Variants in TYR observed in about 807,000 individuals in gnomAD.
TYR encodes LB24-AB.
TYR carries 58 observed loss-of-function variants against 51.5 expected under a neutral mutation model. The observed-to-expected ratio is 1.13, with a 90% confidence interval of 0.91 to 1.40. The LOEUF (loss-of-function observed/expected upper bound fraction) is 1.40, where lower values mean the gene tolerates loss of function less well. Among genes scored for constraint, TYR ranks in the 40% most tolerant of loss-of-function variants. TYR has a pLI of 0.00. For synonymous variants in TYR, 263 were observed against 235.2 expected, an observed-to-expected ratio of 1.12 and a Z score of -1.08; for missense variants, 732 against 647.4, an observed-to-expected ratio of 1.13 and a Z score of -1.42.
chr11:89,198,936 G>C (rs12421505), intron 2 of TYR, among the ~76,000 whole-genome samples: 24,358 of 151,778 alleles, frequency 0.16, 2,383 homozygotes, highest in African/African-American at 0.28. Context: ...ACAGGCCCCG[G>C]TGTGTAATGT....
In TYR at chr11:89,177,927, G is replaced by A. The variant is rs1406673459; in HGVS notation, c.-27G>A. 1 of 1,610,170 alleles carries A rather than the reference G, an allele frequency of 6.2e-7. No homozygotes were observed. The highest frequency in any genetic ancestry group is 1.3e-5 in the African/African-American group (1 of 74,846). On this transcript the variant is annotated 5_prime_UTR_variant, in exon 1 of 5. Transcript: ENST00000263321. ...CTGTGACTCCAATTAGCCAGTTCCTGCAGACCTTGTGAGGACTAGAGGAAG... is the reference window on the plus strand; with the variant it reads ...CTGTGACTCCAATTAGCCAGTTCCTACAGACCTTGTGAGGACTAGAGGAAG...
At chr11:89,278,755 CCA>C (rs1318611201) in intron 3 of TYR, among the ~76,000 whole-genome samples, 1 of 151,640 alleles carries the variant, frequency 6.6e-6, no homozygotes, top group Admixed American at 6.6e-5. Context: ...TTATTATCAA[CCA>C]CAGTCAATAC....
At chr11:89,239,661 T>C (rs182302723) in intron 3 of TYR, among the ~76,000 whole-genome samples, 1 of 152,262 alleles carries the variant, frequency 6.6e-6, no homozygotes. Context: ...ATATTTTTTG[T>C]TAATGTAGGC....
chr11:89,295,327 G>A lies in TYR; in HGVS notation c.1551G>A (p.Glu517=). Residue 517 remains glutamate (E), a synonymous_variant, in exon 5 of 5, where the codon GAG becomes GAA. Coordinates refer to ENST00000263321, the MANE Select transcript of TYR (RefSeq NM_000372.5). ...LPEEKQPLLM[E]KEDYHSLYQS... is the part of the protein sequence containing the mutation. ...AAGAAAAGCAGCCACTCCTCATGGA[G>A]AAAGAGGATTACCACAGCTTGTATC... 6.2e-7 allele frequency: 1 copy of A among 1,613,442 alleles called. No homozygotes were observed.
chr11:89,256,100 C>A (rs1451016664), intron 3 of TYR, among the ~76,000 whole-genome samples: 1 of 151,492 alleles, frequency 6.6e-6, no homozygotes, highest in Non-Finnish European at 1.5e-5. Flanking sequence ...AAGACAATGA[C>A]CTATATCTGC....
intron 1 of TYR, among the ~76,000 whole-genome samples, chr11:89,187,663 G>A (rs1943392881): frequency 6.6e-6 from 1 of 152,036 alleles, no homozygotes; most frequent in African/African-American, 2.4e-5. Flanking sequence ...AACTATAAAT[G>A]TTTGATGAAG....
chr11:89,277,072 A>G (rs1205000446), intron 3 of TYR, among the ~76,000 whole-genome samples: 5 of 151,770 alleles, frequency 3.3e-5, no homozygotes, highest in African/African-American at 4.8e-5. Flanking sequence ...TTTTGTTCTC[A>G]TAAATACATT....
intron 4 of TYR, among the ~76,000 whole-genome samples, chr11:89,292,726 T>A (rs1383554504): frequency 6.6e-6 from 1 of 152,134 alleles, no homozygotes; most frequent in African/African-American, 2.4e-5. Flanking sequence ...TGAGTCTACC[T>A]GTAAGGAATG....
intron 2 of TYR, among the ~76,000 whole-genome samples, chr11:89,203,105 A>G (rs1943622139): frequency 6.6e-6 from 1 of 152,230 alleles, no homozygotes; most frequent in Non-Finnish European, 1.5e-5. Context: ...AGCAACAGAG[A>G]AAACAAAATT....
chr11:89,193,569 G>C (rs148102678), intron 2 of TYR, among the ~76,000 whole-genome samples: 1 of 152,004 alleles, frequency 6.6e-6, no homozygotes, highest in South Asian at 2.1e-4. Flanking sequence ...ACAGTCGTTC[G>C]GTAAGTATCT....
chr11:89,266,290 C>G (rs988279141), intron 3 of TYR, among the ~76,000 whole-genome samples: 3 of 152,032 alleles, frequency 2.0e-5, no homozygotes, highest in Middle Eastern at 3.4e-3. Flanking sequence ...CATAAATACT[C>G]TTAGTCATGC....
At chr11:89,198,049 G>A (rs1943546103) in intron 2 of TYR, among the ~76,000 whole-genome samples, 1 of 152,042 alleles carries the variant, frequency 6.6e-6, no homozygotes, top group South Asian at 2.1e-4. Context: ...AATGAGCTGT[G>A]GGCTTTAATG....
intron 1 of TYR, among the ~76,000 whole-genome samples, chr11:89,181,733 T>C (rs1943302606): frequency 1.3e-5 from 2 of 152,290 alleles, no homozygotes; most frequent in Admixed American, 6.5e-5. Flanking sequence ...TAAAAAACTA[T>C]AGAAAAGCCT....
intron 3 of TYR, among the ~76,000 whole-genome samples, chr11:89,283,256 G>A (rs921952073): frequency 6.6e-6 from 1 of 151,934 alleles, no homozygotes; most frequent in East Asian, 1.9e-4. Flanking sequence ...ACCACAAGTA[G>A]TGTGTTCAAG....
At chr11:89,228,024 G>T in intron 3 of TYR, 54 bp downstream of exon 3, 1 of 1,591,490 alleles carries the variant, frequency 6.3e-7, no homozygotes, top group Non-Finnish European at 8.6e-7. Flanking sequence ...AATAGAGGGT[G>T]CCTATCAAAT....
At chr11:89,255,628 C>A (rs1343336363) in intron 3 of TYR, among the ~76,000 whole-genome samples, 1 of 151,600 alleles carries the variant, frequency 6.6e-6, no homozygotes, top group African/African-American at 2.4e-5. Flanking sequence ...CTTGAATGAA[C>A]ATTAGTAGTT....
At chr11:89,232,853 C>A (rs932689773) in intron 3 of TYR, among the ~76,000 whole-genome samples, 5 of 143,454 alleles carry the variant, frequency 3.5e-5, no homozygotes, top group African/African-American at 5.5e-5. Context: ...ATCGTCTGAG[C>A]CTTCATCAAG....
chr11:89,283,264 A>G (rs191767401), intron 3 of TYR, among the ~76,000 whole-genome samples: 1 of 151,982 alleles, frequency 6.6e-6, no homozygotes, highest in Admixed American at 6.6e-5. Context: ...TAGTGTGTTC[A>G]AGTTCAGATC....
chr11:89,274,993 T>G (rs1409057926), intron 3 of TYR, among the ~76,000 whole-genome samples: 2 of 151,800 alleles, frequency 1.3e-5, no homozygotes, highest in African/African-American at 4.8e-5. Flanking sequence ...TAAGTCCAGA[T>G]CCAGAATCTC....
Sources: gnomAD v4.1 joint callset for allele counts (sites outside exome capture counted in the v4.1 genomes callset) on GRCh38, gnomAD v4.1.1 for gene constraint, MANE v1.5 for transcripts, NCBI Gene and HGNC (gene_info 2026-07-23, HGNC 2026-07-21) for gene names.